MPDZ: variants seen among roughly 807,000 people sequenced by gnomAD.
MPDZ encodes multiple PDZ domain crumbs cell polarity complex component, also known as multiple PDZ domain protein.
A neutral mutation model predicts 239.1 loss-of-function variants in MPDZ; 234 were observed. The ratio of observed to expected loss-of-function variants is 0.98; its 90% CI spans 0.88 to 1.09. MPDZ has a LOEUF of 1.09. Among genes scored for constraint, MPDZ ranks in the 50% least tolerant of loss-of-function variants. The pLI is 0.00. For synonymous variants in MPDZ, 1,048 were observed against 881.3 expected (o/e 1.19, Z -3.35); for missense variants, 3,175 against 2,510.0 (o/e 1.26, Z -5.66).
intron 8 of MPDZ, among the ~76,000 whole-genome samples, chr9:13,217,557 T>A (rs1958509623): frequency 6.6e-6 from 1 of 151,874 alleles, no homozygotes; most frequent in South Asian, 2.1e-4. Flanking sequence ...TTGCGTACAA[T>A]AAATTTTAAA....
chr9:13,118,039 T>C (rs1361371566), intron 39 of MPDZ, among the ~76,000 whole-genome samples: 2 of 152,018 alleles, frequency 1.3e-5, no homozygotes, highest in Non-Finnish European at 2.9e-5. Context: ...AGACGGGGTT[T>C]CTCCAGGTTG....
At chr9:13,279,257 A>ACCCCCG (rs1320971173) in intron 1 of MPDZ, 143 bp downstream of exon 1, 22 of 23,950 alleles carry the variant, frequency 9.2e-4, no homozygotes, top group African/African-American at 2.1e-3. Context: ...CCCTACCCCC[A>ACCCCCG]CCCCCACCCC....
rs1281895165 is a variant in MPDZ, at chr9:13,222,235, G to C, written c.745C>G (p.Pro249Ala). The C allele has an allele frequency of 6.2e-7, 1 of 1,611,710 alleles. No homozygotes were observed. The highest frequency in any genetic ancestry group is 8.5e-7 in the Non-Finnish European group (1 of 1,178,608). Reference sequence around the variant, plus strand: ...TTTTGAAAATTTTAGGTACTCACCGGATTAGAGTGAGCTGAAATTGTGCTG... The same window carrying C: ...TTTTGAAAATTTTAGGTACTCACCGCATTAGAGTGAGCTGAAATTGTGCTG... ...AASTISAHSN[P>A]VHWQHMETIE... is the part of the protein sequence containing the mutation. The change falls in exon 6 of 47, where the codon CCG becomes GCG. Residue 249 changes from proline to alanine, a missense_variant and splice_region_variant. By Grantham distance (27) the Pro-to-Ala change is conservative. Transcript: ENST00000319217.
chr9:13,209,871 A>T (rs534954553), intron 10 of MPDZ, among the ~76,000 whole-genome samples: 1 of 152,208 alleles, frequency 6.6e-6, no homozygotes, highest in African/African-American at 2.4e-5. Context: ...GGAAAAGAAT[A>T]AACCGATAAA....
chr9:13,123,073 T>C lies in MPDZ; in HGVS notation c.4953+80A>G, dbSNP rs1342503507. The C allele has an allele frequency of 1.3e-5, 19 of 1,415,414 alleles. No homozygotes were observed. In the East Asian group the frequency reaches 2.6e-4, roughly 20 times the overall value. The allele number at this position is 1,415,414 out of a possible 1,614,324, so 87.7% of individuals were successfully genotyped here. On this transcript the variant is annotated intron_variant, in intron 36 of 46. Coordinates refer to ENST00000319217, the MANE Select transcript of MPDZ (RefSeq NM_001378778.1). ...GCCTTCACATTTCCTTTACTAGAAC[T>C]GATAGAAATCTCCCCATAATCGTCT... is the stretch of plus-strand genomic sequence containing the variant.
intron 19 of MPDZ, among the ~76,000 whole-genome samples, chr9:13,178,004 G>A (rs866037459): frequency 2.0e-4 from 30 of 152,040 alleles, no homozygotes; most frequent in African/African-American, 6.5e-4. Flanking sequence ...TAGTAGAGAC[G>A]GGGTCTCATC....
intron 22 of MPDZ, among the ~76,000 whole-genome samples, chr9:13,167,583 G>A (rs1001721901): frequency 2.6e-5 from 4 of 151,966 alleles, no homozygotes; most frequent in Non-Finnish European, 5.9e-5. Flanking sequence ...TCATTACATC[G>A]ATTTTAGGTA....
intron 39 of MPDZ, among the ~76,000 whole-genome samples, chr9:13,118,166 G>A (rs1250574400): frequency 6.6e-6 from 1 of 152,004 alleles, no homozygotes; most frequent in African/African-American, 2.4e-5. Flanking sequence ...TAAATGACTG[G>A]TTTAAAAATT....
chr9:13,272,949 A>C (rs905609021), intron 1 of MPDZ, among the ~76,000 whole-genome samples: 44 of 152,182 alleles, frequency 2.9e-4, no homozygotes, highest in African/African-American at 9.6e-4. Context: ...CTAACCCCCA[A>C]AGTAATGGTA....
intron 20 of MPDZ, 95 bp from the exon 21 acceptor site, chr9:13,175,970 T>C: frequency 6.9e-7 from 1 of 1,459,536 alleles, no homozygotes; most frequent in Non-Finnish European, 9.1e-7. Context: ...TAATTGATTG[T>C]GCTTTATTTT....
intron 24 of MPDZ, among the ~76,000 whole-genome samples, chr9:13,150,918 T>C (rs1358363558): frequency 1.3e-5 from 2 of 151,972 alleles, no homozygotes; most frequent in African/African-American, 4.8e-5. Flanking sequence ...GCTAATAACA[T>C]ATCTGATAAG....
At chr9:13,181,254 C>T (rs1396157719) in intron 19 of MPDZ, among the ~76,000 whole-genome samples, 3 of 152,104 alleles carry the variant, frequency 2.0e-5, no homozygotes, top group African/African-American at 7.2e-5. Flanking sequence ...TACGGTATTA[C>T]TTTATAAATT....
At chr9:13,158,885 G>C (rs779924860) in intron 23 of MPDZ, among the ~76,000 whole-genome samples, 4 of 151,958 alleles carry the variant, frequency 2.6e-5, no homozygotes, top group Non-Finnish European at 5.9e-5. Context: ...GAGGCTGAGA[G>C]GACAATAGAG....
Position 13,196,120 on chromosome 9 carries a change from C to T in MPDZ, c.1656+1G>A. On this transcript the variant is annotated splice_donor_variant, in intron 13 of 46. Transcript: ENST00000319217. LOFTEE classifies it high-confidence loss of function. ...AAATTACAGAAGGTCAGCTAACCTA[C>T]CACTATTTCATAGTTAATTCCCATA... The T allele has an allele frequency of 6.3e-7, 1 of 1,580,920 alleles. No individual in the cohort carries two copies. The highest frequency in any genetic ancestry group is 1.1e-5 in the South Asian group (1 of 87,146).
At chr9:13,167,171 C>T (rs973217335) in intron 22 of MPDZ, among the ~76,000 whole-genome samples, 3 of 152,070 alleles carry the variant, frequency 2.0e-5, no homozygotes, top group Non-Finnish European at 4.4e-5. Context: ...GAACACTGGC[C>T]ATAAGCGGTA....
chr9:13,110,786 A>G, intron 43 of MPDZ, 46 bp from the exon 44 acceptor site: 1 of 1,438,268 alleles, frequency 7.0e-7, no homozygotes, highest in Non-Finnish European at 9.7e-7. Flanking sequence ...GCAGCCATGG[A>G]GAGTGGGTCT....
rs869272418 is a variant in MPDZ, at chr9:13,136,325, CTTTTTTTTTTTT to C, written c.4293-155_4293-144del. 4.0e-3 allele frequency: 626 copies of C among 156,716 alleles called. 23 individuals are homozygous for C. The highest frequency in any genetic ancestry group is 0.03 in the South Asian group (388 of 13,044). 9.7% of individuals were successfully genotyped at this position (156,716 alleles called of 1,614,324 possible). On this transcript the variant is annotated intron_variant, in intron 30 of 46. Coordinates refer to ENST00000319217, the MANE Select transcript of MPDZ (RefSeq NM_001378778.1). ...ACACTTACAAATTTACAAACGTTTT[CTTTTTTTTTTTT>C]TTTTTTTTTTTTGAGACAGAGTCTC...
At chr9:13,137,092 T>C (rs999942034) in intron 29 of MPDZ, among the ~76,000 whole-genome samples, 6 of 152,068 alleles carry the variant, frequency 3.9e-5, no homozygotes, top group African/African-American at 1.4e-4. Context: ...ACAAATTTCC[T>C]GGCAGGCACT....
intron 1 of MPDZ, among the ~76,000 whole-genome samples, chr9:13,278,325 C>A (rs1044215749): frequency 1.4e-4 from 21 of 152,182 alleles, no homozygotes; most frequent in Admixed American, 4.6e-4. Flanking sequence ...GGGGTCTTCC[C>A]AAGCGGAGCA....
Sources: gnomAD v4.1 joint callset for allele counts (sites outside exome capture counted in the v4.1 genomes callset) on GRCh38, gnomAD v4.1.1 for gene constraint, MANE v1.5 for transcripts, NCBI Gene and HGNC (gene_info 2026-07-23, HGNC 2026-07-21) for gene names.